Variants in NELL2 observed in about 807,000 individuals in gnomAD.
The protein encoded by NELL2 is neural EGFL like 2, also known as protein kinase C-binding protein NELL2.
A neutral mutation model predicts 109.6 loss-of-function variants in NELL2; 41 were observed. The ratio of observed to expected loss-of-function variants is 0.37; its 90% CI spans 0.29 to 0.49. NELL2 has a LOEUF of 0.49. NELL2 is among the 20% of genes least tolerant of loss of function. The pLI, the probability that NELL2 is intolerant of heterozygous loss-of-function variation, is 0.98. For missense variants in NELL2, 900 were observed against 1,008.3 expected, an observed-to-expected ratio of 0.89 and a Z score of 1.45; for synonymous variants, 355 against 344.7, an observed-to-expected ratio of 1.03 and a Z score of -0.33.
At chr12:44,793,468 C>T (rs757020411) in intron 3 of NELL2, among the ~76,000 whole-genome samples, 1 of 152,136 alleles carries the variant, frequency 6.6e-6, no homozygotes, top group African/African-American at 2.4e-5. Context: ...GAGGCAAGAA[C>T]CCAATTGTTG....
intron 13 of NELL2, among the ~76,000 whole-genome samples, chr12:44,636,873 G>C (rs182688581): frequency 6.6e-6 from 1 of 151,692 alleles, no homozygotes; most frequent in Non-Finnish European, 1.5e-5. Context: ...CTTTGATTCC[G>C]TCTGGTCTGG....
chr12:44,554,081 G>A (rs966672206), intron 15 of NELL2, among the ~76,000 whole-genome samples: 3 of 152,102 alleles, frequency 2.0e-5, no homozygotes, highest in Non-Finnish European at 4.4e-5. Flanking sequence ...GTTGCTACCG[G>A]CATATTACTA....
chr12:44,760,293 T>C (rs1264838507), intron 9 of NELL2, among the ~76,000 whole-genome samples: 1 of 152,070 alleles, frequency 6.6e-6, no homozygotes, highest in African/African-American at 2.4e-5. Flanking sequence ...AAACCCCAAA[T>C]AACCACAGAA....
intron 12 of NELL2, among the ~76,000 whole-genome samples, chr12:44,671,818 C>T (rs1948149132): frequency 6.6e-6 from 1 of 152,176 alleles, no homozygotes; most frequent in African/African-American, 2.4e-5. Context: ...GGCTTTACTG[C>T]TTAATTAGAC....
chr12:44,892,991 T>C (rs533488664), intron 1 of NELL2, among the ~76,000 whole-genome samples: 1 of 152,076 alleles, frequency 6.6e-6, no homozygotes, highest in Non-Finnish European at 1.5e-5. Context: ...CCAAAGAAAC[T>C]GTGATTCACA....
At chr12:44,588,019 C>A (rs900122257) in intron 15 of NELL2, among the ~76,000 whole-genome samples, 3 of 151,804 alleles carry the variant, frequency 2.0e-5, no homozygotes, top group African/African-American at 7.3e-5. Flanking sequence ...GGCGTGGTGG[C>A]GGGCACCTGT....
intron 9 of NELL2, among the ~76,000 whole-genome samples, chr12:44,770,697 G>C (rs575572656): frequency 6.6e-6 from 1 of 152,240 alleles, no homozygotes; most frequent in East Asian, 1.9e-4. Context: ...TAAACTAACT[G>C]TTGCTACTAG....
intron 3 of NELL2, among the ~76,000 whole-genome samples, chr12:44,794,916 T>TATTC (rs144559974): frequency 0.21 from 32,488 of 152,054 alleles, 3,620 homozygotes; most frequent in South Asian, 0.3. Context: ...CCTGATTTGT[T>TATTC]AGAATTTTGA....
At chr12:44,603,921 G>C (rs1350946157) in intron 15 of NELL2, among the ~76,000 whole-genome samples, 4 of 152,112 alleles carry the variant, frequency 2.6e-5, no homozygotes, top group Admixed American at 6.6e-5. Context: ...TCAGCAGATG[G>C]CCACTGGGGC....
chr12:44,538,174 T>C (rs1942376890), intron 15 of NELL2, among the ~76,000 whole-genome samples: 1 of 152,162 alleles, frequency 6.6e-6, no homozygotes, highest in South Asian at 2.1e-4. Context: ...AGTCTAGTTC[T>C]TTTTTCCCTT....
chr12:44,655,056 C>T (rs933252279), intron 13 of NELL2, among the ~76,000 whole-genome samples: 2 of 152,132 alleles, frequency 1.3e-5, no homozygotes, highest in African/African-American at 4.8e-5. Context: ...ATGTATAATC[C>T]TTTTATTCCC....
At chr12:44,649,971 A>G (rs1947243587) in intron 13 of NELL2, among the ~76,000 whole-genome samples, 2 of 152,196 alleles carry the variant, frequency 1.3e-5, no homozygotes, top group African/African-American at 4.8e-5. Flanking sequence ...ACTAATTACA[A>G]TGTGTGTAAA....
At chr12:44,590,353 A>G (rs1258455298) in intron 15 of NELL2, among the ~76,000 whole-genome samples, 2 of 152,142 alleles carry the variant, frequency 1.3e-5, no homozygotes, top group African/African-American at 2.4e-5. Context: ...GAGATGACAC[A>G]TTGCATTTTG....
intron 12 of NELL2, among the ~76,000 whole-genome samples, chr12:44,667,287 C>T (rs1316643794): frequency 1.3e-5 from 2 of 152,082 alleles, no homozygotes. Flanking sequence ...ATTCCAAATT[C>T]TAATTTACTT....
Position 44,686,289 on chromosome 12 carries a change from T to G in NELL2, c.1318+17437A>C, listed in dbSNP as rs192520894. ...ATCAGCTCCTCTAAGCACTTCTCTG[T>G]ATTGGTTATTCCAGTTATACATTCT... On this transcript the variant is annotated intron_variant, in intron 12 of 19. Transcript: ENST00000429094. Among the ~76,000 whole-genome samples, 170 of 152,314 alleles carry G rather than the reference T, an allele frequency of 1.1e-3. 1 individual carries two copies. Among genetic ancestry groups the G allele is most frequent in the African/African-American group, 3.7e-3 (155 of 41,574 alleles).
intron 15 of NELL2, among the ~76,000 whole-genome samples, chr12:44,562,869 T>C (rs942531068): frequency 6.6e-6 from 1 of 152,202 alleles, no homozygotes; most frequent in African/African-American, 2.4e-5. Context: ...CATGCACACG[T>C]ATGTTTATTG....
rs1425819582 is a variant in NELL2, at chr12:44,602,669, G to A, written c.1663+4500C>T. 3.3e-5 allele frequency among the ~76,000 whole-genome samples: 5 copies of A among 151,696 alleles called. No homozygotes were observed. The South Asian group carries it at 8.3e-4, about 25-fold the overall frequency. ...ATGTATTTCCACTGTGAGTCATATT[G>A]GTAAGAAAAGGTATGCCATGTCCCA... On this transcript the variant is annotated intron_variant, in intron 15 of 19. Transcript: ENST00000429094.
chr12:44,764,840 C>A, intron 9 of NELL2, among the ~76,000 whole-genome samples: 2 of 150,658 alleles, frequency 1.3e-5, no homozygotes, highest in Admixed American at 6.6e-5. Context: ...TACTTAAGAT[C>A]AAAAAGAGAG....
At chr12:44,570,216 C>T (rs1943811333) in intron 15 of NELL2, among the ~76,000 whole-genome samples, 1 of 152,168 alleles carries the variant, frequency 6.6e-6, no homozygotes, top group Non-Finnish European at 1.5e-5. Context: ...TCTGCACACC[C>T]CCACAGGTCC....
Sources: allele counts gnomAD v4.1 joint callset (sites outside exome capture counted in the v4.1 genomes callset), GRCh38; gene constraint gnomAD v4.1.1; transcripts MANE v1.5; gene names NCBI Gene and HGNC (gene_info 2026-07-23, HGNC 2026-07-21).